Variants in PCDHGB2 observed in about 807,000 individuals in gnomAD.
The protein encoded by PCDHGB2 is protocadherin gamma subfamily B, 2, also known as protocadherin gamma-B2.
In PCDHGB2, 55 loss-of-function variants were observed where a neutral mutation model predicts 59.3. The ratio of observed to expected loss-of-function variants is 0.93; its 90% CI spans 0.75 to 1.16. The LOEUF is 1.16. Among genes scored for constraint, PCDHGB2 ranks in the 50% most tolerant of loss-of-function variants. The pLI is 0.00. For synonymous variants in PCDHGB2, 516 were observed against 512.0 expected (o/e 1.01, Z -0.11); for missense variants, 1,228 against 1,198.5 (o/e 1.02, Z -0.36).
intron 1 of PCDHGB2, among the ~76,000 whole-genome samples, chr5:141,453,779 C>T (rs138335951): frequency 0.013 from 2,000 of 152,278 alleles, 24 homozygotes; most frequent in Non-Finnish European, 0.021. Flanking sequence ...ATTTTAGTTA[C>T]CATGGTATAT....
chr5:141,500,641 TA>T (rs1306300025), intron 2 of PCDHGB2, among the ~76,000 whole-genome samples: 4 of 152,346 alleles, frequency 2.6e-5, no homozygotes, highest in Middle Eastern at 3.4e-3. Flanking sequence ...ACTAGTTTTT[TA>T]AAAATAGCAA....
chr5:141,478,179 A>C, intron 1 of PCDHGB2: 1 of 1,613,996 alleles, frequency 6.2e-7, no homozygotes, highest in Non-Finnish European at 8.5e-7. Context: ...GAGCAGAAAA[A>C]AAATCTCACC....
chr5:141,478,758 T>C (rs1333135263), intron 1 of PCDHGB2: 2 of 1,515,540 alleles, frequency 1.3e-6, no homozygotes, highest in South Asian at 1.3e-5. Flanking sequence ...AGGGGGAAGA[T>C]ACTTGACTCA....
chr5:141,361,719 C>G lies in PCDHGB2; in HGVS notation c.1584C>G (p.Phe528Leu). The change falls in exon 1 of 4, where the codon TTC becomes TTG. Residue 528 changes from phenylalanine to leucine, a missense_variant. Transcript: ENST00000522605. ...TCGATCATGAGCAGCTGCGCGCCTT[C>G]GAGCTCACACTGCAGGCCCGCGACC... ...RAFDHEQLRA[F>L]ELTLQARDQG... 1 of 1,613,364 alleles carries G rather than the reference C, an allele frequency of 6.2e-7. No homozygotes were observed.
chr5:141,410,437 G>C, intron 1 of PCDHGB2: 1 of 1,614,040 alleles, frequency 6.2e-7, no homozygotes, highest in Non-Finnish European at 8.5e-7. Context: ...ACTACAGTGA[G>C]GGGACTTTGC....
intron 1 of PCDHGB2, among the ~76,000 whole-genome samples, chr5:141,438,633 TATACACAC>T (rs1401551511): frequency 0.055 from 1,851 of 33,458 alleles, 10 homozygotes; most frequent in African/African-American, 0.082. Flanking sequence ...TATATATATA[TATACACAC>T]ACACACACAC....
At chr5:141,478,528 G>A (rs1013766552) in intron 1 of PCDHGB2, 1 of 1,609,730 alleles carries the variant, frequency 6.2e-7, no homozygotes, top group Non-Finnish European at 8.5e-7. Context: ...TGGGTGCAGA[G>A]AGCGCCCCTC....
intron 1 of PCDHGB2, chr5:141,367,099 T>A (rs1197346861): frequency 4.0e-6 from 1 of 250,422 alleles, no homozygotes; most frequent in Admixed American, 5.1e-5. Context: ...CTTTTGAGTG[T>A]CTGCCTAGAC....
intron 1 of PCDHGB2, among the ~76,000 whole-genome samples, chr5:141,434,049 A>G (rs868088310): frequency 2.0e-5 from 3 of 152,116 alleles, no homozygotes; most frequent in Non-Finnish European, 2.9e-5. Flanking sequence ...ATTTTATTCA[A>G]TGGCCTGTAA....
chr5:141,446,800 G>C (rs1332771959), intron 1 of PCDHGB2, among the ~76,000 whole-genome samples: 1 of 152,150 alleles, frequency 6.6e-6, no homozygotes, highest in African/African-American at 2.4e-5. Flanking sequence ...TTCTTCCATT[G>C]TGATCATCTA....
chr5:141,383,466 T>G (rs1469908164), intron 1 of PCDHGB2: 1 of 1,613,798 alleles, frequency 6.2e-7, no homozygotes, highest in South Asian at 1.1e-5. Context: ...ACGATGAAAC[T>G]AAGTACCCGG....
chr5:141,471,080 C>T (rs2099249652), intron 1 of PCDHGB2, among the ~76,000 whole-genome samples: 1 of 147,610 alleles, frequency 6.8e-6, no homozygotes, highest in African/African-American at 2.5e-5. Context: ...ACAGGGTCTC[C>T]CTCTGTTGTC....
rs779686795 is a variant in PCDHGB2 at position 141,476,566 on chromosome 5, G to C, written c.2422-18241G>C. The stretch of plus-strand genomic sequence containing the variant: ...TGGAGATTAGCGAGGCCGTGGCTCC[G>C]GGGACGCGCTTTCCGCTCGAGAGCG... On this transcript the variant is annotated intron_variant, in intron 1 of 3. Transcript: ENST00000522605. This position sits in a 1 kb window ranked among gnomAD's most constrained non-coding sequence, Gnocchi z 7.6. 1.2e-6 allele frequency: 2 copies of C among 1,614,180 alleles called. No homozygotes were observed. The highest frequency in any genetic ancestry group is 1.7e-5 in the Admixed American group (1 of 60,030).
chr5:141,478,454 A>T, intron 1 of PCDHGB2: 1 of 1,613,596 alleles, frequency 6.2e-7, no homozygotes. Flanking sequence ...TGGTGCAGCC[A>T]GTCCACTGGC....
At chr5:141,387,197 T>C (rs1417433412) in intron 1 of PCDHGB2, among the ~76,000 whole-genome samples, 1 of 152,220 alleles carries the variant, frequency 6.6e-6, no homozygotes, top group East Asian at 1.9e-4. Flanking sequence ...AATTTTGGTA[T>C]TACTGATACT....
At chr5:141,492,197 TA>T (rs2099738125) in intron 1 of PCDHGB2, among the ~76,000 whole-genome samples, 1 of 152,200 alleles carries the variant, frequency 6.6e-6, no homozygotes, top group African/African-American at 2.4e-5. Flanking sequence ...CTGCGGGACT[TA>T]GGTGTGCGCG....
At chr5:141,422,791 G>T (rs2096673253) in intron 1 of PCDHGB2, 2 of 1,614,020 alleles carry the variant, frequency 1.2e-6, no homozygotes, top group South Asian at 1.1e-5. Context: ...ACAATCCTTC[G>T]ACTATGAGCA....
At chr5:141,415,641 T>TA (rs113784532) in intron 1 of PCDHGB2, 91,654 of 1,192,004 alleles carry the variant, frequency 0.077, 689 homozygotes, top group South Asian at 0.099. Context: ...TTACTTTTGT[T>TA]AAAAAAAAAA....
intron 1 of PCDHGB2, chr5:141,419,056 T>C (rs2096318283): frequency 6.2e-7 from 1 of 1,613,836 alleles, no homozygotes; most frequent in Non-Finnish European, 8.5e-7. Context: ...CTTCTTCTAA[T>C]AATTACTACA....
Sources: gnomAD v4.1 joint callset for allele counts (sites outside exome capture counted in the v4.1 genomes callset) on GRCh38, gnomAD v4.1.1 for gene constraint, Gnocchi (gnomAD v3.1) non-coding constraint, MANE v1.5 for transcripts, NCBI Gene and HGNC (gene_info 2026-07-23, HGNC 2026-07-21) for gene names.